The following SORT1 variants were observed in gnomAD, a reference collection of about 807,000 sequenced individuals.
The protein encoded by SORT1 is sortilin.
A neutral mutation model predicts 101.7 loss-of-function variants in SORT1; 39 were observed. The observed-to-expected ratio is 0.38, with a 90% CI of 0.30 to 0.50. SORT1 has a LOEUF of 0.50. SORT1 is among the 20% of genes least tolerant of loss of function. SORT1 has a pLI of 0.90. For missense variants in SORT1, 878 were observed against 1,040.4 expected (o/e 0.84, Z 2.15); for synonymous variants, 396 against 393.7 (o/e 1.01, Z -0.07).
At chr1:109,355,015 G>T (rs1650213243) in intron 4 of SORT1, among the ~76,000 whole-genome samples, 1 of 151,984 alleles carries the variant, frequency 6.6e-6, no homozygotes, top group Admixed American at 6.6e-5. Context: ...CTTGAGCCCA[G>T]GAGTTCAAGA....
intron 11 of SORT1, among the ~76,000 whole-genome samples, chr1:109,333,162 G>A (rs958286700): frequency 9.2e-5 from 14 of 152,062 alleles, no homozygotes; most frequent in African/African-American, 3.1e-4. Flanking sequence ...TCCTGACCTC[G>A]TGATCCACCC....
In SORT1 at chr1:109,354,497, C is replaced by T. The variant is rs140106626; in HGVS notation, c.578G>A (p.Arg193His). 8.7e-5 allele frequency: 140 copies of T among 1,613,494 alleles called. No individual in the cohort carries two copies. The African/African-American group carries it at 1.4e-3, about 16-fold the overall frequency. ...TGATGATCTAAAGATTCTTCCTCCA[C>T]GACTTCCTCCAGACACCTCTGCTGT... The part of the protein sequence containing the change: ...VLTAEVSGGS[R>H]GGRIFRSSDF... Residue 193 changes from arginine (R) to histidine (H), a missense_variant, in exon 5 of 20, where the codon CGT becomes CAT. Around this residue, in one of 2 missense-constraint regions of SORT1, gnomAD observed 684 missense variants for 894.5 expected, o/e 0.76. Coordinates refer to ENST00000256637, the MANE Select transcript of SORT1 (RefSeq NM_002959.7).
intron 3 of SORT1, among the ~76,000 whole-genome samples, chr1:109,366,628 C>T (rs1651107121): frequency 6.6e-6 from 1 of 152,192 alleles, no homozygotes; most frequent in South Asian, 2.1e-4. Flanking sequence ...ATGCTAAGGC[C>T]AGGCATGGTG....
rs1012958592 is a variant in SORT1 at position 109,336,357 on chromosome 1, A to G, written c.1265-11T>C. ...TCTGGATAGAATTATCTGAATGGGA[A>G]GAGAACAACATTAAGTCTGATACAC... is the stretch of plus-strand genomic sequence containing the variant. On this transcript the variant is annotated splice_polypyrimidine_tract_variant and intron_variant, in intron 10 of 19. Transcript: ENST00000256637. 1 of 1,518,256 alleles carries G rather than the reference A, an allele frequency of 6.6e-7. No individual in the cohort carries two copies. The highest frequency in any genetic ancestry group is 9.2e-7 in the Non-Finnish European group (1 of 1,092,202). 94.0% of individuals were successfully genotyped at this position (1,518,256 alleles called of 1,614,324 possible).
chr1:109,379,281 C>T (rs1235789827), intron 1 of SORT1, among the ~76,000 whole-genome samples: 1 of 151,228 alleles, frequency 6.6e-6, no homozygotes, highest in African/African-American at 2.4e-5. Flanking sequence ...AATACATTAA[C>T]ACTAACAATA....
chr1:109,374,588 C>CAA (rs1297031182), intron 1 of SORT1, among the ~76,000 whole-genome samples: 1 of 129,406 alleles, frequency 7.7e-6, no homozygotes, highest in Non-Finnish European at 1.7e-5. Flanking sequence ...AACACCGTCT[C>CAA]AAAAAAAAAA....
intron 3 of SORT1, among the ~76,000 whole-genome samples, chr1:109,364,445 C>A (rs976922905): frequency 6.6e-6 from 1 of 152,068 alleles, no homozygotes; most frequent in African/African-American, 2.4e-5. Context: ...AATAAACATC[C>A]CCTATGACAC....
chr1:109,335,758 G>A (rs1262932475), intron 11 of SORT1, among the ~76,000 whole-genome samples: 1 of 152,162 alleles, frequency 6.6e-6, no homozygotes, highest in African/African-American at 2.4e-5. Flanking sequence ...TCTGCAACAG[G>A]GGCTGCCTTG....
At chr1:109,340,948 C>CAT (rs1649180406) in intron 9 of SORT1, 69 bp from the exon 10 acceptor site, 2 of 1,289,332 alleles carry the variant, frequency 1.6e-6, no homozygotes, top group Non-Finnish European at 2.1e-6. Flanking sequence ...ATAGTCTAAC[C>CAT]ACACACGATT....
chr1:109,317,816 C>T, intron 16 of SORT1, 37 bp downstream of exon 16: 1 of 1,296,660 alleles, frequency 7.7e-7, no homozygotes, highest in Non-Finnish European at 1.1e-6. Flanking sequence ...ACAAGAACAC[C>T]TCATCCATCG....
chr1:109,384,825 T>C (rs939131544), intron 1 of SORT1, among the ~76,000 whole-genome samples: 19 of 152,100 alleles, frequency 1.2e-4, no homozygotes, highest in Admixed American at 3.9e-4. Flanking sequence ...ACGCCTGTAA[T>C]TGCAGCACTT....
intron 5 of SORT1, among the ~76,000 whole-genome samples, chr1:109,353,085 GGAGGCTGAGGCGGGCA>G (rs1172817631): frequency 6.6e-6 from 1 of 152,070 alleles, no homozygotes; most frequent in Non-Finnish European, 1.5e-5. Context: ...CAGCACTTTG[GGAGGCTGAGGCGGGCA>G]GATCACCTGA....
Position 109,342,050 on chromosome 1 carries a change from C to A in SORT1, c.1072G>T (p.Asp358Tyr), listed in dbSNP as rs2228605. Residue 358 changes from aspartate (D) to tyrosine (Y), a missense_variant, in exon 9 of 20, where the codon GAT (aspartate) becomes TAT (tyrosine). By Grantham distance (160) the Asp-to-Tyr change is radical. Coordinates refer to ENST00000256637, the MANE Select transcript of SORT1 (RefSeq NM_002959.7). The stretch of plus-strand genomic sequence containing the variant: ...TCTACATGCATGAATACCATGTCAT[C>A]ATTTGCTGCCAGAATAGAATAGAAC... Reference protein sequence around the residue: ...EQFYSILAANDDMVFMHVDEP... With the variant: ...EQFYSILAANYDMVFMHVDEP... 1.7e-3 allele frequency: 2,775 copies of A among 1,613,918 alleles called. 8 individuals carry two copies. Among genetic ancestry groups the A allele is most frequent in the East Asian group, 0.016 (723 of 44,884 alleles).
intron 1 of SORT1, chr1:109,392,888 G>A (rs1652992525): frequency 3.0e-6 from 3 of 985,204 alleles, no homozygotes; most frequent in Non-Finnish European, 3.6e-6. Flanking sequence ...TTGATCCAAA[G>A]CTGAATGGAA....
At chr1:109,334,806 T>C (rs1648698975) in intron 11 of SORT1, among the ~76,000 whole-genome samples, 1 of 152,140 alleles carries the variant, frequency 6.6e-6, no homozygotes, top group South Asian at 2.1e-4. Context: ...TTTTGTCAAT[T>C]ATGCCTCCAT....
At chr1:109,375,150 A>G (rs1342070192) in intron 1 of SORT1, among the ~76,000 whole-genome samples, 3 of 152,234 alleles carry the variant, frequency 2.0e-5, no homozygotes, top group Non-Finnish European at 4.4e-5. Flanking sequence ...AATGTTCTTA[A>G]AGTTGTTCTA....
chr1:109,381,188 C>A (rs1652206337), intron 1 of SORT1, among the ~76,000 whole-genome samples: 1 of 152,036 alleles, frequency 6.6e-6, no homozygotes, highest in Admixed American at 6.6e-5. Context: ...TAATCACATA[C>A]CTTTATAAAA....
At chr1:109,369,310 GA>G (rs1281234615) in intron 2 of SORT1, among the ~76,000 whole-genome samples, 1 of 152,066 alleles carries the variant, frequency 6.6e-6, no homozygotes, top group Admixed American at 6.6e-5. Context: ...CAACAAGAGC[GA>G]AACTCCGTCC....
chr1:109,349,587 G>A (rs951235246), intron 6 of SORT1, among the ~76,000 whole-genome samples: 2 of 151,830 alleles, frequency 1.3e-5, no homozygotes, highest in African/African-American at 2.4e-5. Context: ...GCAACATAGT[G>A]AGACCCCCTA....
Sources: allele counts gnomAD v4.1 joint callset (sites outside exome capture counted in the v4.1 genomes callset), GRCh38; gene constraint gnomAD v4.1.1; regional missense constraint gnomAD v4.1.1; transcripts MANE v1.5; gene names NCBI Gene and HGNC (gene_info 2026-07-23, HGNC 2026-07-21).